The following ATP6V1B2 variants were observed in gnomAD, a reference collection of about 807,000 sequenced individuals.
The protein encoded by ATP6V1B2 is V-type proton ATPase subunit B, brain isoform.
ATP6V1B2 carries 23 observed loss-of-function variants against 66.7 expected under a neutral mutation model. That is an observed-to-expected ratio of 0.34 (90% confidence interval 0.25 to 0.49). The LOEUF is 0.49. Ranked by LOEUF, ATP6V1B2 falls within the 20% of genes least tolerant of loss-of-function variation. The pLI is 0.99. For missense variants in ATP6V1B2, 478 were observed against 650.8 expected (o/e 0.73, Z 2.89); for synonymous variants, 278 against 236.7 (o/e 1.17, Z -1.60).
chr8:20,204,427 C>G, intron 1 of ATP6V1B2, 57 bp from the exon 2 acceptor site: 1 of 1,476,682 alleles, frequency 6.8e-7, no homozygotes, highest in Non-Finnish European at 9.4e-7. Context: ...TGCCAGAGAG[C>G]TAATTTAAGC....
chr8:20,201,591 C>G (rs2072688570), intron 1 of ATP6V1B2, among the ~76,000 whole-genome samples: 1 of 151,948 alleles, frequency 6.6e-6, no homozygotes, highest in African/African-American at 2.4e-5. Flanking sequence ...AAGACTAAGG[C>G]CAGAAATATT....
At chr8:20,210,747 T>A (rs2072785370) in intron 5 of ATP6V1B2, 101 bp downstream of exon 5, 3 of 871,502 alleles carry the variant, frequency 3.4e-6, no homozygotes, top group Non-Finnish European at 5.6e-6. Flanking sequence ...TCACTTAAAG[T>A]AGATAGGCAA....
Position 20,221,504 on chromosome 8 carries a change from C to G in ATP6V1B2, c.*1102C>G, listed in dbSNP as rs2072906692. ...TCTGCCATGCGTCCTGTTGGTCTCT[C>G]TGTGTTCTTTGTTACTTGGGTGCAA... On this transcript the variant is annotated 3_prime_UTR_variant, in exon 14 of 14. Coordinates refer to ENST00000276390, the MANE Select transcript of ATP6V1B2 (RefSeq NM_001693.4). 6.6e-6 allele frequency: 1 copy of G among 152,610 alleles called. No homozygotes were observed. The highest frequency in any genetic ancestry group is 1.9e-4 in the East Asian group (1 of 5,200). The allele number at this position is 152,610 out of a possible 1,614,324, so 9.5% of individuals were successfully genotyped here.
intron 1 of ATP6V1B2, among the ~76,000 whole-genome samples, chr8:20,197,990 C>T (rs1029655651): frequency 6.6e-6 from 1 of 152,220 alleles, no homozygotes; most frequent in Non-Finnish European, 1.5e-5. Context: ...GGAGGGCAGA[C>T]GGTAGAGCCT....
At chr8:20,198,727 C>T (rs987036109) in intron 1 of ATP6V1B2, among the ~76,000 whole-genome samples, 1 of 152,156 alleles carries the variant, frequency 6.6e-6, no homozygotes, top group Non-Finnish European at 1.5e-5. Context: ...AATCCACATC[C>T]TGATCTGTCA....
At position 20,218,290 on chromosome 8, in the gene ATP6V1B2, G is replaced by A. The variant is rs1285593943; in HGVS notation, c.1396+8G>A. 3.1e-6 allele frequency: 5 copies of A among 1,610,112 alleles called. No individual in the cohort carries two copies. The highest frequency in any genetic ancestry group is 1.7e-4 in the Middle Eastern group (1 of 6,052). ...GGAACTTCATTGCTCAGGGTAAGATGACTGTTGGCTTACAAACATAAAAAG... is the reference window on the plus strand; with the variant it reads ...GGAACTTCATTGCTCAGGGTAAGATAACTGTTGGCTTACAAACATAAAAAG... On this transcript the variant is annotated splice_region_variant and intron_variant, in intron 13 of 13. Transcript: ENST00000276390.
Position 20,211,289 on chromosome 8 carries a change from C to G in ATP6V1B2, c.576C>G (p.Phe192Leu), listed in dbSNP as rs1306436088. 1 of 1,613,202 alleles carries G rather than the reference C, an allele frequency of 6.2e-7. No individual in the cohort carries two copies. Among genetic ancestry groups the G allele is most frequent in the Admixed American group, 1.7e-5 (1 of 59,656 alleles). ...CTAGGGGGCAGAAAATTCCTATCTT[C>G]TCTGCTGCTGGGCTACCACACAATG... ...SIARGQKIPI[F>L]SAAGLPHNEI... The change falls in exon 6 of 14, where the codon TTC becomes TTG. Residue 192 changes from phenylalanine (F) to leucine (L), a missense_variant. Phe to Leu is a conservative substitution (Grantham distance 22). Coordinates refer to ENST00000276390, the MANE Select transcript of ATP6V1B2 (RefSeq NM_001693.4).
chr8:20,211,310 C>T lies in ATP6V1B2; in HGVS notation c.597C>T (p.His199=). The stretch of plus-strand genomic sequence containing the variant: ...TCTTCTCTGCTGCTGGGCTACCACA[C>T]AATGAGGTGAGGACTGGGATCGGTT... The part of the protein sequence containing the change: ...IPIFSAAGLP[H]NEIAAQICRQ... Residue 199 remains histidine, a synonymous_variant, in exon 6 of 14, where the codon CAC becomes CAT. Transcript: ENST00000276390. The T allele has an allele frequency of 6.2e-7, 1 of 1,612,674 alleles. No homozygotes were observed. Among genetic ancestry groups the T allele is most frequent in the African/African-American group, 1.3e-5 (1 of 74,938 alleles).
intron 1 of ATP6V1B2, among the ~76,000 whole-genome samples, chr8:20,200,261 G>A (rs1323338692): frequency 6.6e-6 from 1 of 151,818 alleles, no homozygotes; most frequent in Admixed American, 6.6e-5. Context: ...CAAGAGATCC[G>A]CCCGCCATGG....
intron 13 of ATP6V1B2, 30 bp downstream of exon 13, chr8:20,218,312 A>G: frequency 3.1e-6 from 5 of 1,603,378 alleles, no homozygotes; most frequent in Non-Finnish European, 4.3e-6. Context: ...ACAAACATAA[A>G]AAGCCTCATA....
rs2072898742 is a variant in ATP6V1B2 at position 20,220,687 on chromosome 8, T to C, written c.*285T>C. 2 of 269,270 alleles carry C rather than the reference T, an allele frequency of 7.4e-6. No homozygotes were observed. The highest frequency in any genetic ancestry group is 2.3e-4 in the South Asian group (2 of 8,864). 16.7% of individuals were successfully genotyped at this position (269,270 alleles called of 1,614,324 possible). ...TATTGTACATAGTGGAGTAGTTAGT[T>C]ACCTGATAACAGTCTTGTTATTTGG... is the stretch of plus-strand genomic sequence containing the variant. On this transcript the variant is annotated 3_prime_UTR_variant, in exon 14 of 14. Coordinates refer to ENST00000276390, the MANE Select transcript of ATP6V1B2 (RefSeq NM_001693.4).
chr8:20,214,776 GTAA>G, intron 9 of ATP6V1B2, 39 bp from the exon 10 acceptor site: 1 of 1,550,964 alleles, frequency 6.4e-7, no homozygotes, highest in African/African-American at 1.4e-5. Context: ...CAAGCTTGTT[GTAA>G]TATCGTGCAT....
chr8:20,211,541 A>G (rs2072793236), intron 6 of ATP6V1B2, 111 bp from the exon 7 acceptor site: 2 of 1,313,998 alleles, frequency 1.5e-6, no homozygotes, highest in South Asian at 2.7e-5. Context: ...ATACCCTAAA[A>G]CATCCTGGTT....
intron 7 of ATP6V1B2, 128 bp from the exon 8 acceptor site, chr8:20,211,968 GGTTTTT>G (rs1237745251): frequency 3.9e-5 from 35 of 894,234 alleles, no homozygotes; most frequent in Non-Finnish European, 5.4e-5. Context: ...TTGTTCTGTT[GGTTTTT>G]GTGAAGATTT....
intron 11 of ATP6V1B2, 175 bp downstream of exon 11, chr8:20,216,670 G>T (rs947660989): frequency 2.3e-4 from 124 of 530,294 alleles, no homozygotes; most frequent in Non-Finnish European, 1.1e-4. Context: ...TCGGCAGAGC[G>T]CCAGAATTAA....
At chr8:20,210,853 A>G (rs1416509348) in intron 5 of ATP6V1B2, among the ~76,000 whole-genome samples, 1 of 152,092 alleles carries the variant, frequency 6.6e-6, no homozygotes, top group Non-Finnish European at 1.5e-5. Context: ...GATACTGTAA[A>G]ATATCTAGGA....
In ATP6V1B2 at chr8:20,197,412, G is replaced by C. The variant is rs1330914351; in HGVS notation, c.6G>C (p.Ala2=). M[A]LRAMRGIVNG... ...GTCGGGACAGAGGAGACAAGATGGC[G>C]CTGCGGGCGATGCGGGGGATTGTCA... The change falls in exon 1 of 14, where the codon GCG becomes GCC. Residue 2 remains alanine (A), a synonymous_variant. Transcript: ENST00000276390. The C allele has an allele frequency of 6.5e-7, 1 of 1,541,312 alleles. No individual in the cohort carries two copies. Among genetic ancestry groups the C allele is most frequent in the Non-Finnish European group, 8.7e-7 (1 of 1,145,244 alleles).
rs1038880615 is a variant in ATP6V1B2 at position 20,202,179 on chromosome 8, G to A, written c.137-2305G>A. Among the ~76,000 whole-genome samples, 6 of 152,082 alleles carry A rather than the reference G, an allele frequency of 3.9e-5. No homozygotes were observed. In the South Asian group the frequency reaches 1.2e-3, roughly 31 times the overall value. On this transcript the variant is annotated intron_variant, in intron 1 of 13. Transcript: ENST00000276390. Reference sequence around the variant, plus strand: ...TTGTGAAATTGTTTTGGGTGGTATCGCTTCATAATTCTTACAAGATACCAT... The same window carrying A: ...TTGTGAAATTGTTTTGGGTGGTATCACTTCATAATTCTTACAAGATACCAT...
intron 2 of ATP6V1B2, among the ~76,000 whole-genome samples, chr8:20,206,738 C>T (rs140618228): frequency 7.0e-4 from 106 of 152,142 alleles, no homozygotes; most frequent in Admixed American, 2.1e-3. Context: ...TTTTTGAAGA[C>T]CTAAGCATGA....
Sources: allele counts gnomAD v4.1 joint callset (sites outside exome capture counted in the v4.1 genomes callset), GRCh38; gene constraint gnomAD v4.1.1; transcripts MANE v1.5; gene names NCBI Gene and HGNC (gene_info 2026-07-23, HGNC 2026-07-21).